FHOD3: variants seen among roughly 807,000 people sequenced by gnomAD.
FHOD3 encodes formin homology 2 domain containing 3.
In FHOD3, 90 loss-of-function variants were observed where a neutral mutation model predicts 173.0. The observed-to-expected ratio is 0.52, with a 90% CI of 0.44 to 0.62. The LOEUF is 0.62. Among genes scored for constraint, FHOD3 ranks in the 20% least tolerant of loss-of-function variants. FHOD3 has a pLI of 0.00. For synonymous variants in FHOD3, 828 were observed against 823.0 expected, an observed-to-expected ratio of 1.01 and a Z score of -0.10; for missense variants, 1,945 against 2,034.7, an observed-to-expected ratio of 0.96 and a Z score of 0.85.
chr18:36,375,524 C>T (rs1405525810), intron 3 of FHOD3, among the ~76,000 whole-genome samples: 6 of 152,200 alleles, frequency 3.9e-5, no homozygotes, highest in African/African-American at 1.2e-4. Context: ...ATTCTCTTCT[C>T]CTTCATTCCT....
At chr18:36,471,984 G>T (rs2053312774) in intron 3 of FHOD3, among the ~76,000 whole-genome samples, 1 of 152,068 alleles carries the variant, frequency 6.6e-6, no homozygotes, top group African/African-American at 2.4e-5. Context: ...TAGTTCCCAG[G>T]GTTAAAGTCA....
chr18:36,428,530 A>G (rs9959414), intron 3 of FHOD3, among the ~76,000 whole-genome samples: 40 of 152,170 alleles, frequency 2.6e-4, no homozygotes, highest in African/African-American at 9.4e-4. Flanking sequence ...CAGAAGAGCA[A>G]CGAGGCTTCT....
At chr18:36,438,763 A>G (rs1468247001) in intron 3 of FHOD3, among the ~76,000 whole-genome samples, 1 of 152,172 alleles carries the variant, frequency 6.6e-6, no homozygotes, top group Non-Finnish European at 1.5e-5. Context: ...CCACTGTAAG[A>G]CACTGCTCTT....
chr18:36,560,842 G>GTTTTTTTTTTTTTTTTT (rs1318480145), intron 5 of FHOD3, among the ~76,000 whole-genome samples: 3 of 127,572 alleles, frequency 2.4e-5, no homozygotes, highest in African/African-American at 5.8e-5. Context: ...TTTTTTTTCT[G>GTTTTTTTTTTTTTTTTT]TTTTTTTTTT....
At position 36,465,995 on chromosome 18, in the gene FHOD3, A is replaced by T. The variant is rs964374299; in HGVS notation, c.338-35937A>T. 3.1e-4 allele frequency among the ~76,000 whole-genome samples: 47 copies of T among 152,148 alleles called. 1 individual carries two copies. Among genetic ancestry groups the T allele is most frequent in the African/African-American group, 1.0e-3 (42 of 41,428 alleles). On this transcript the variant is annotated intron_variant, in intron 3 of 28. Transcript: ENST00000590592. ...AAGTCCTTGAAGTAGCTTGACCACA[A>T]TCCGGCTTTCTCACCTCCTTGTATG...
rs55780447 is a variant in FHOD3 at position 36,776,037 on chromosome 18, G to A, written c.4787-3411G>A. 2.8e-3 allele frequency among the ~76,000 whole-genome samples: 427 copies of A among 152,290 alleles called. 3 individuals are homozygous for A. The highest frequency in any genetic ancestry group is 9.7e-3 in the African/African-American group (405 of 41,564). The stretch of plus-strand genomic sequence containing the variant: ...GTCGGGAGAGGCCCAGGTGTCATCC[G>A]CAGCCAGCCGACCTTGCCACAGTGC... On this transcript the variant is annotated intron_variant, in intron 28 of 28. Coordinates refer to ENST00000590592, the MANE Select transcript of FHOD3 (RefSeq NM_001281740.3).
chr18:36,708,525 A>T (rs2040002702), intron 17 of FHOD3, among the ~76,000 whole-genome samples: 1 of 152,226 alleles, frequency 6.6e-6, no homozygotes. Flanking sequence ...AGCACAGCTC[A>T]GCTGAGCTCT....
chr18:36,368,610 A>G (rs1427729364), intron 2 of FHOD3, among the ~76,000 whole-genome samples: 1 of 152,090 alleles, frequency 6.6e-6, no homozygotes, highest in Non-Finnish European at 1.5e-5. Context: ...AATGTTATCT[A>G]CCTGTATTTG....
chr18:36,555,849 C>T (rs998677130), intron 5 of FHOD3, among the ~76,000 whole-genome samples: 4 of 152,184 alleles, frequency 2.6e-5, no homozygotes, highest in African/African-American at 9.6e-5. Context: ...GGTATTAATA[C>T]AGTCATTCCA....
At chr18:36,745,702 C>T (rs1428479699) in intron 23 of FHOD3, among the ~76,000 whole-genome samples, 2 of 151,744 alleles carry the variant, frequency 1.3e-5, no homozygotes, top group South Asian at 2.1e-4. Context: ...ACGCATCTCC[C>T]GCTCAGCCCC....
chr18:36,473,883 C>T (rs913757645), intron 3 of FHOD3, among the ~76,000 whole-genome samples: 4 of 152,210 alleles, frequency 2.6e-5, no homozygotes, highest in African/African-American at 9.6e-5. Context: ...GCTTTTCACT[C>T]CTGAACACAC....
chr18:36,596,934 G>C (rs2030536160), intron 7 of FHOD3, among the ~76,000 whole-genome samples: 2 of 152,172 alleles, frequency 1.3e-5, no homozygotes, highest in South Asian at 2.1e-4. Flanking sequence ...TTAGGTATAA[G>C]GTCAGCAGTG....
At chr18:36,302,000 A>C (rs555570216) in intron 1 of FHOD3, among the ~76,000 whole-genome samples, 65 of 152,318 alleles carry the variant, frequency 4.3e-4, no homozygotes, top group Admixed American at 5.9e-4. Flanking sequence ...TACCAAGCCC[A>C]TGGCCATTCG....
At chr18:36,379,000 A>T (rs980839317) in intron 3 of FHOD3, among the ~76,000 whole-genome samples, 7 of 152,202 alleles carry the variant, frequency 4.6e-5, no homozygotes, top group African/African-American at 9.6e-5. Flanking sequence ...TAGTCCTTAA[A>T]TGCTGGGAAC....
chr18:36,481,450 CTT>C (rs71168228), intron 3 of FHOD3, among the ~76,000 whole-genome samples: 105 of 146,010 alleles, frequency 7.2e-4, no homozygotes, highest in Middle Eastern at 3.5e-3. Flanking sequence ...AGGCAGACAA[CTT>C]TTTTTTTTTT....
intron 3 of FHOD3, among the ~76,000 whole-genome samples, chr18:36,394,874 G>A (rs2048475952): frequency 1.3e-5 from 2 of 152,320 alleles, no homozygotes; most frequent in Middle Eastern, 3.4e-3. Flanking sequence ...GGAGATACGT[G>A]TTGTATACAT....
At chr18:36,653,253 A>C in intron 12 of FHOD3, 89 bp from the exon 13 acceptor site, 1 of 1,024,986 alleles carries the variant, frequency 9.8e-7, no homozygotes, top group African/African-American at 1.6e-5. Context: ...GCCAGGTGGC[A>C]TGAAGTCTTT....
chr18:36,372,776 TATG>T (rs765593079), intron 3 of FHOD3, 32 bp downstream of exon 3: 1 of 1,593,636 alleles, frequency 6.3e-7, no homozygotes, highest in South Asian at 1.1e-5. Flanking sequence ...GAACTAAACA[TATG>T]ATGAAAGACG....
At chr18:36,702,903 T>C (rs2039670332) in intron 17 of FHOD3, among the ~76,000 whole-genome samples, 1 of 152,186 alleles carries the variant, frequency 6.6e-6, no homozygotes, top group Admixed American at 6.5e-5. Context: ...CACCACACAG[T>C]ATAGCCCTGT....
Sources: gnomAD v4.1 joint callset for allele counts (sites outside exome capture counted in the v4.1 genomes callset) on GRCh38, gnomAD v4.1.1 for gene constraint, MANE v1.5 for transcripts, NCBI Gene and HGNC (gene_info 2026-07-23, HGNC 2026-07-21) for gene names.